The following RARA variants were observed in gnomAD, a reference collection of about 807,000 sequenced individuals.
RARA encodes the protein retinoic acid receptor alpha.
A neutral mutation model predicts 42.8 loss-of-function variants in RARA; 5 were observed. That is an observed-to-expected ratio of 0.12 (90% CI 0.06 to 0.25). RARA has a LOEUF of 0.25. Ranked by LOEUF, RARA falls within the 10% of genes least tolerant of loss-of-function variation. The pLI, the probability that RARA is intolerant of heterozygous loss-of-function variation, is 1.00. For synonymous variants in RARA, 256 were observed against 259.5 expected (o/e 0.99, Z 0.13); for missense variants, 402 against 628.7 (o/e 0.64, Z 3.86).
intron 2 of RARA, among the ~76,000 whole-genome samples, chr17:40,337,055 AGCACCTAC>A (rs565831618): frequency 1.1e-4 from 16 of 152,212 alleles, no homozygotes; most frequent in Non-Finnish European, 2.2e-4. Context: ...ACATCTATAG[AGCACCTAC>A]TGTGTGTCAG....
At chr17:40,343,184 T>G in intron 2 of RARA, 1 of 243,080 alleles carries the variant, frequency 4.1e-6, no homozygotes, top group Non-Finnish European at 7.7e-6. Context: ...TTATATCTTC[T>G]TGCCTGGAAT....
In RARA at chr17:40,356,361, C is replaced by T. The variant is rs545072314; in HGVS notation, c.*135C>T. ...AGTACTGGGGACCTTCCCTGGGGGA[C>T]GGGGAGGGAGGAGGCAGCGACTCCT... On this transcript the variant is annotated 3_prime_UTR_variant, in exon 9 of 9. Transcript: ENST00000254066. 4.6e-5 allele frequency: 46 copies of T among 1,010,498 alleles called. No individual in the cohort carries two copies. In the East Asian group the frequency reaches 7.8e-4, roughly 17 times the overall value. The allele number at this position is 1,010,498 out of a possible 1,614,324, so 62.6% of individuals were successfully genotyped here.
In RARA at chr17:40,320,385, C is replaced by T. The variant is rs370449094; in HGVS notation, c.-362-10472C>T. Among the ~76,000 whole-genome samples, 16 of 152,266 alleles carry T rather than the reference C, an allele frequency of 1.1e-4. No individual in the cohort carries two copies. The East Asian group carries it at 1.2e-3, about 11-fold the overall frequency. On this transcript the variant is annotated intron_variant, in intron 1 of 8. Transcript: ENST00000254066. The surrounding 1 kb of genome is among the most constrained non-coding windows in gnomAD (Gnocchi z 4.1). ...ATCCTGATCACCCATGTGCCTCCCC[C>T]GCTGGGCACAGTCACCCACACATGC... is the stretch of plus-strand genomic sequence containing the variant.
chr17:40,336,369 C>T (rs1473265730), intron 2 of RARA, among the ~76,000 whole-genome samples: 1 of 152,096 alleles, frequency 6.6e-6, no homozygotes, highest in East Asian at 1.9e-4. Flanking sequence ...AGCCACTGCA[C>T]CTGGCCAAAG....
intron 2 of RARA, among the ~76,000 whole-genome samples, chr17:40,347,626 TG>T (rs1200534890): frequency 1.3e-5 from 2 of 152,188 alleles, no homozygotes; most frequent in African/African-American, 2.4e-5. Flanking sequence ...TCTCCCCAGA[TG>T]GGGGGTACCC....
Position 40,351,282 on chromosome 17 carries a change from C to T in RARA, c.470-628C>T, listed in dbSNP as rs2034437416. 2 of 198,984 alleles carry T rather than the reference C, an allele frequency of 1.0e-5. 1 individual carries two copies. The highest frequency in any genetic ancestry group is 1.3e-4 in the South Asian group (2 of 15,478). 12.3% of individuals were successfully genotyped at this position (198,984 alleles called of 1,614,324 possible). On this transcript the variant is annotated intron_variant, in intron 4 of 8. Coordinates refer to ENST00000254066, the MANE Select transcript of RARA (RefSeq NM_000964.4). This position sits in a 1 kb window ranked among gnomAD's most constrained non-coding sequence, Gnocchi z 4.1. ...TTCCTCCCGCGTCAGCAGCCACCAC[C>T]ACCAGCCCTGTGAGTGATTGTGTGT...
rs374639976 is a variant in RARA, at chr17:40,354,544, C to T, written c.1012+38C>T. 4.0e-5 allele frequency: 39 copies of T among 963,528 alleles called. No homozygotes were observed. Among genetic ancestry groups the T allele is most frequent in the African/African-American group, 1.1e-4 (7 of 61,034 alleles). 59.7% of individuals were successfully genotyped at this position (963,528 alleles called of 1,614,324 possible). A position where few individuals can be genotyped will look rare whatever the true frequency, so the allele number is the denominator to read the frequency against. Reference sequence around the variant, plus strand: ...CCTGGGTCTGGGGGCTGGGCTGGGACGGGGGTGCAGCCCTGGAGTCTCTTC... The same window carrying T: ...CCTGGGTCTGGGGGCTGGGCTGGGATGGGGGTGCAGCCCTGGAGTCTCTTC... On this transcript the variant is annotated intron_variant, in intron 7 of 8. Coordinates refer to ENST00000254066, the MANE Select transcript of RARA (RefSeq NM_000964.4). The surrounding 1 kb of genome is among the most constrained non-coding windows in gnomAD (Gnocchi z 4.5).
At chr17:40,314,832 A>C (rs1261658901) in intron 1 of RARA, among the ~76,000 whole-genome samples, 1 of 150,854 alleles carries the variant, frequency 6.6e-6, no homozygotes, top group Admixed American at 6.6e-5. Flanking sequence ...TGAGTCACCC[A>C]GCCATGCCTG....
chr17:40,332,972 T>G (rs1598553352), intron 2 of RARA, among the ~76,000 whole-genome samples: 1 of 152,262 alleles, frequency 6.6e-6, no homozygotes, highest in Non-Finnish European at 1.5e-5. Flanking sequence ...TTAAAGGGAC[T>G]GTGATTTACA....
At chr17:40,348,621 T>G (rs752228015) in intron 3 of RARA, 157 bp downstream of exon 3, 6 of 925,944 alleles carry the variant, frequency 6.5e-6, no homozygotes, top group Non-Finnish European at 9.1e-6. Context: ...CTACCACAGT[T>G]TCCCCACAGG....
chr17:40,339,649 C>A (rs1400805777), intron 2 of RARA, among the ~76,000 whole-genome samples: 1 of 152,178 alleles, frequency 6.6e-6, no homozygotes. Flanking sequence ...AGATGTTCCC[C>A]CTTGCTTGCC....
intron 1 of RARA, among the ~76,000 whole-genome samples, chr17:40,324,909 C>T (rs1306817597): frequency 6.6e-6 from 1 of 152,170 alleles, no homozygotes; most frequent in African/African-American, 2.4e-5. Context: ...CTATCCCAGC[C>T]ACCCTCAGGT....
At chr17:40,335,313 C>CT (rs916561433) in intron 2 of RARA, among the ~76,000 whole-genome samples, 6 of 151,986 alleles carry the variant, frequency 3.9e-5, no homozygotes, top group Non-Finnish European at 8.8e-5. Context: ...ACTGATCTGC[C>CT]TTTTTTTGTT....
chr17:40,315,132 GTATATATATATATATATATATATATA>G lies in RARA; in HGVS notation c.-363+5861_-363+5886del, dbSNP rs71356657. Among the ~76,000 whole-genome samples the G allele has an allele frequency of 5.9e-4, 38 of 64,180 alleles. 1 individual carries two copies. Among genetic ancestry groups the G allele is most frequent in the Admixed American group, 5.8e-3 (27 of 4,636 alleles). 42.1% of individuals were successfully genotyped at this position (64,180 alleles called of 152,430 possible). On this transcript the variant is annotated intron_variant, in intron 1 of 8. Coordinates refer to ENST00000254066, the MANE Select transcript of RARA (RefSeq NM_000964.4). The stretch of plus-strand genomic sequence containing the variant: ...TATATATATATATATGCTTATATGT[GTATATATATATATATATATATATATA>G]TATATATATATATACACACACACAC...
At position 40,355,977 on chromosome 17, in the gene RARA, C is replaced by T. The variant is rs369409990; in HGVS notation, c.1172-32C>T. ...GCTGGGGGTGGGAGGGCTGGCCCAG[C>T]GTGCTGACCTCTGCCCCCTCCTTTC... On this transcript the variant is annotated intron_variant, in intron 8 of 8. Coordinates refer to ENST00000254066, the MANE Select transcript of RARA (RefSeq NM_000964.4). This position sits in a 1 kb window ranked among gnomAD's most constrained non-coding sequence, Gnocchi z 4.1. 58 of 1,556,618 alleles carry T rather than the reference C, an allele frequency of 3.7e-5. No homozygotes were observed. The highest frequency in any genetic ancestry group is 4.3e-4 in the Middle Eastern group (2 of 4,670).
chr17:40,340,824 A>C (rs1172714644), intron 2 of RARA: 1 of 399,856 alleles, frequency 2.5e-6, no homozygotes, highest in Non-Finnish European at 4.4e-6. Flanking sequence ...AATACCTTGA[A>C]TTGGCCTAGC....
rs866365400 is a variant in RARA, at chr17:40,341,676, T to C, written c.179-6640T>C. 132 of 1,341,706 alleles carry C rather than the reference T, an allele frequency of 9.8e-5. 1 individual carries two copies. The Middle Eastern group carries it at 2.0e-3, about 20-fold the overall frequency. The allele number at this position is 1,341,706 out of a possible 1,614,324, so 83.1% of individuals were successfully genotyped here. ...CGAGTTCAGCGAGAGTTCAGCCGCATTGCATTAGGCAAATGAGGCCCGGCC... is the reference window on the plus strand; with the variant it reads ...CGAGTTCAGCGAGAGTTCAGCCGCACTGCATTAGGCAAATGAGGCCCGGCC... On this transcript the variant is annotated intron_variant, in intron 2 of 8. Coordinates refer to ENST00000254066, the MANE Select transcript of RARA (RefSeq NM_000964.4).
chr17:40,340,936 C>A (rs371645820), intron 2 of RARA: 34 of 400,166 alleles, frequency 8.5e-5, no homozygotes, highest in African/African-American at 6.6e-4. Context: ...CTTGCTGAGA[C>A]CTGTTTTATT....
Position 40,349,812 on chromosome 17 carries a change from A to C in RARA, c.356A>C (p.Asn119Thr). 1 of 1,614,210 alleles carries C rather than the reference A, an allele frequency of 6.2e-7. No individual in the cohort carries two copies. The change falls in exon 4 of 9, where the codon AAC (asparagine) becomes ACC (threonine). Residue 119 changes from asparagine (N) to threonine (T), a missense_variant. Physicochemically the swap from Asn to Thr is moderately conservative, Grantham distance 65. Around this residue, in one of 5 missense-constraint regions of RARA, gnomAD observed 130 missense variants for 267.9 expected, o/e 0.49. Coordinates refer to ENST00000254066, the MANE Select transcript of RARA (RefSeq NM_000964.4). ...KGFFRRSIQK[N>T]MVYTCHRDKN... The stretch of plus-strand genomic sequence containing the variant: ...TTCTTCCGCCGCAGCATCCAGAAGA[A>C]CATGGTGTACACGTGTCACCGGGAC...
Sources: allele counts gnomAD v4.1 joint callset (sites outside exome capture counted in the v4.1 genomes callset), GRCh38; gene constraint gnomAD v4.1.1; regional missense constraint gnomAD v4.1.1; non-coding constraint Gnocchi (gnomAD v3.1); transcripts MANE v1.5; gene names NCBI Gene and HGNC (gene_info 2026-07-23, HGNC 2026-07-21).